CDH12: variants seen among roughly 807,000 people sequenced by gnomAD.
CDH12 encodes cadherin 12.
Under a neutral mutation model 74.1 loss-of-function variants are expected in CDH12, and 41 were observed. The observed-to-expected ratio is 0.55, with a 90% CI of 0.43 to 0.72. The LOEUF is 0.72. CDH12 is among the 30% of genes least tolerant of loss of function. The pLI, the probability that CDH12 is intolerant of heterozygous loss-of-function variation, is 0.00. For synonymous variants in CDH12, 399 were observed against 355.0 expected (o/e 1.12, Z -1.39); for missense variants, 945 against 977.2 (o/e 0.97, Z 0.44).
intron 1 of CDH12, among the ~76,000 whole-genome samples, chr5:22,586,837 A>ATTTTT (rs11417237): frequency 5.7e-5 from 6 of 105,422 alleles, no homozygotes; most frequent in East Asian, 2.9e-4. Context: ...TTAGAGGAGG[A>ATTTTT]TTTTTTTTTT....
At chr5:22,633,921 G>A (rs184254061) in intron 1 of CDH12, among the ~76,000 whole-genome samples, 143 of 152,084 alleles carry the variant, frequency 9.4e-4, no homozygotes, top group Middle Eastern at 6.9e-3. Context: ...AATACGGATG[G>A]GATTATAATA....
At chr5:22,120,613 T>C (rs769087307) in intron 4 of CDH12, among the ~76,000 whole-genome samples, 4 of 152,134 alleles carry the variant, frequency 2.6e-5, no homozygotes, top group African/African-American at 9.7e-5. Flanking sequence ...AACATATTTA[T>C]GCAAAAAGAA....
At chr5:21,843,147 A>G (rs535396947) in intron 7 of CDH12, among the ~76,000 whole-genome samples, 1 of 152,292 alleles carries the variant, frequency 6.6e-6, no homozygotes, top group African/African-American at 2.4e-5. Context: ...TCATGAATAC[A>G]TTTCATACCA....
intron 4 of CDH12, among the ~76,000 whole-genome samples, chr5:22,125,694 T>C (rs890599469): frequency 9.9e-5 from 15 of 152,072 alleles, no homozygotes; most frequent in African/African-American, 3.6e-4. Context: ...TTGCCATGGA[T>C]TCATATTGAG....
intron 4 of CDH12, among the ~76,000 whole-genome samples, chr5:22,103,239 T>A (rs1300663313): frequency 6.6e-6 from 1 of 152,172 alleles, no homozygotes; most frequent in Non-Finnish European, 1.5e-5. Flanking sequence ...AAATTTATGA[T>A]GACGATGATG....
intron 1 of CDH12, among the ~76,000 whole-genome samples, chr5:22,717,233 T>C (rs1181924011): frequency 6.6e-6 from 1 of 152,174 alleles, no homozygotes; most frequent in East Asian, 1.9e-4. Flanking sequence ...ATATGCCCTA[T>C]ACAGGTGAAC....
At chr5:22,287,488 G>A (rs1737194808) in intron 3 of CDH12, among the ~76,000 whole-genome samples, 1 of 152,108 alleles carries the variant, frequency 6.6e-6, no homozygotes, top group East Asian at 1.9e-4. Context: ...ACTTTGGGAG[G>A]CCGAGGCGGG....
intron 4 of CDH12, among the ~76,000 whole-genome samples, chr5:22,080,398 T>C (rs990993674): frequency 6.6e-6 from 1 of 152,202 alleles, no homozygotes; most frequent in Non-Finnish European, 1.5e-5. Context: ...AAGTATTTTA[T>C]AGGGCAAACC....
chr5:22,139,006 G>C (rs763341015), intron 4 of CDH12, among the ~76,000 whole-genome samples: 4 of 150,276 alleles, frequency 2.7e-5, no homozygotes, highest in Non-Finnish European at 4.4e-5. Context: ...CAGGGAACCA[G>C]GTACTCCTAT....
chr5:22,097,956 C>T (rs182312343), intron 4 of CDH12, among the ~76,000 whole-genome samples: 52 of 152,326 alleles, frequency 3.4e-4, no homozygotes, highest in African/African-American at 1.2e-3. Flanking sequence ...CCAGACAAGG[C>T]TTACAGGTTA....
intron 3 of CDH12, among the ~76,000 whole-genome samples, chr5:22,325,357 AT>A (rs1739040870): frequency 6.6e-6 from 1 of 152,202 alleles, no homozygotes; most frequent in Admixed American, 6.5e-5. Context: ...GAAAAGTCTA[AT>A]CAGATACTAC....
At chr5:22,550,337 CA>C (rs1365049323) in intron 1 of CDH12, among the ~76,000 whole-genome samples, 1 of 152,122 alleles carries the variant, frequency 6.6e-6, no homozygotes, top group African/African-American at 2.4e-5. Context: ...TTCCCATTGC[CA>C]ATCTGACAAA....
At chr5:22,522,134 T>G (rs947507364) in intron 1 of CDH12, among the ~76,000 whole-genome samples, 2 of 152,160 alleles carry the variant, frequency 1.3e-5, no homozygotes, top group Admixed American at 1.3e-4. Context: ...TAAGACATAG[T>G]CATCATTTGA....
intron 1 of CDH12, among the ~76,000 whole-genome samples, chr5:22,720,849 G>C (rs430924): frequency 0.79 from 120,276 of 152,124 alleles, 48,011 homozygotes; most frequent in East Asian, 0.85. Flanking sequence ...TGCCCTTGCT[G>C]TAGACATCTG....
At chr5:21,921,506 T>A (rs936040788) in intron 6 of CDH12, among the ~76,000 whole-genome samples, 5 of 152,170 alleles carry the variant, frequency 3.3e-5, no homozygotes, top group African/African-American at 7.2e-5. Context: ...TAACCCAAAC[T>A]ATATAGGGCT....
At chr5:22,383,779 T>A (rs148583917) in intron 3 of CDH12, among the ~76,000 whole-genome samples, 1 of 152,298 alleles carries the variant, frequency 6.6e-6, no homozygotes, top group East Asian at 1.9e-4. Context: ...TGATTGTTCA[T>A]CTAAGATGCT....
Position 21,996,981 on chromosome 5 carries a change from G to T in CDH12, c.232-21596C>A, listed in dbSNP as rs981165710. Reference sequence around the variant, plus strand: ...TTGAAGAGAAAAATGTAAATCAAAAGAAATGGGATTATTTGTTTATTAATA... The same window carrying T: ...TTGAAGAGAAAAATGTAAATCAAAATAAATGGGATTATTTGTTTATTAATA... On this transcript the variant is annotated intron_variant, in intron 5 of 14. Transcript: ENST00000382254. 2.6e-5 allele frequency among the ~76,000 whole-genome samples: 4 copies of T among 152,152 alleles called. No individual in the cohort carries two copies. In the East Asian group the frequency reaches 5.8e-4, roughly 22 times the overall value.
At chr5:22,256,076 C>A (rs185912021) in intron 3 of CDH12, among the ~76,000 whole-genome samples, 23 of 152,172 alleles carry the variant, frequency 1.5e-4, no homozygotes, top group Non-Finnish European at 3.2e-4. Flanking sequence ...TATGAGGAAA[C>A]TGAGATGCAT....
intron 6 of CDH12, among the ~76,000 whole-genome samples, chr5:21,974,880 C>T (rs1427621147): frequency 6.6e-6 from 1 of 152,146 alleles, no homozygotes; most frequent in Non-Finnish European, 1.5e-5. Flanking sequence ...GGGTGGAAAA[C>T]AGGAACTAAT....
Sources: gnomAD v4.1 joint callset for allele counts (sites outside exome capture counted in the v4.1 genomes callset) on GRCh38, gnomAD v4.1.1 for gene constraint, MANE v1.5 for transcripts, NCBI Gene and HGNC (gene_info 2026-07-23, HGNC 2026-07-21) for gene names.